The following MEDAG variants were observed in gnomAD, a reference collection of about 807,000 sequenced individuals.
The protein encoded by MEDAG is mesenteric estrogen dependent adipogenesis.
A neutral mutation model predicts 29.9 loss-of-function variants in MEDAG; 25 were observed. That is an observed-to-expected ratio of 0.84 (90% confidence interval 0.61 to 1.17). MEDAG has a LOEUF of 1.17. Ranked by LOEUF, MEDAG falls within the 50% of genes most tolerant of loss-of-function variation. The probability of loss-of-function intolerance (pLI) is 0.00; values close to 1 mark genes in which losing one functional copy is unlikely to be tolerated. For missense variants in MEDAG, 398 were observed against 372.9 expected (o/e 1.07, Z -0.56); for synonymous variants, 158 against 148.2 (o/e 1.07, Z -0.48).
At chr13:30,915,392 G>C (rs1265944687) in intron 1 of MEDAG, among the ~76,000 whole-genome samples, 1 of 152,154 alleles carries the variant, frequency 6.6e-6, no homozygotes, top group Admixed American at 6.5e-5. Context: ...CACTGCCTCC[G>C]TCCACTGTCC....
chr13:30,921,260 C>A, intron 3 of MEDAG, 134 bp downstream of exon 3: 1 of 733,646 alleles, frequency 1.4e-6, no homozygotes, highest in Non-Finnish European at 2.2e-6. Context: ...TGCATTCAGA[C>A]ACTTTGTTCT....
intron 1 of MEDAG, chr13:30,916,440 T>C (rs904113184): frequency 6.6e-6 from 1 of 152,290 alleles, no homozygotes; most frequent in Non-Finnish European, 1.5e-5. Context: ...TGCTGTGGTG[T>C]AGCAAAAGGC....
intron 2 of MEDAG, 45 bp downstream of exon 2, chr13:30,917,557 A>G (rs768354654): frequency 2.9e-6 from 3 of 1,034,528 alleles, no homozygotes; most frequent in Non-Finnish European, 4.5e-6. Context: ...ATAAAGAAAT[A>G]CCTAAAACTG....
At chr13:30,913,896 G>T (rs1952903262) in intron 1 of MEDAG, among the ~76,000 whole-genome samples, 1 of 152,094 alleles carries the variant, frequency 6.6e-6, no homozygotes, top group African/African-American at 2.4e-5. Flanking sequence ...ACAAAAATTA[G>T]CTGGGCATGG....
At position 30,924,442 on chromosome 13, in the gene MEDAG, T is replaced by C. The variant is rs1953021433; in HGVS notation, c.*7T>C. The C allele has an allele frequency of 5.6e-6, 9 of 1,613,550 alleles. No homozygotes were observed. The highest frequency in any genetic ancestry group is 6.8e-6 in the Non-Finnish European group (8 of 1,179,818). ...ACCCAACCAATTTATCTGATTGAAC[T>C]GAACATTGTAGCAGTTGCTCCCGCA... On this transcript the variant is annotated 3_prime_UTR_variant, in exon 5 of 5. Coordinates refer to ENST00000380482, the MANE Select transcript of MEDAG (RefSeq NM_032849.4).
intron 1 of MEDAG, among the ~76,000 whole-genome samples, chr13:30,912,591 T>C (rs1298307540): frequency 6.6e-6 from 1 of 152,048 alleles, no homozygotes; most frequent in Non-Finnish European, 1.5e-5. Flanking sequence ...TGAGCAGAAA[T>C]TGTTAGAGCC....
chr13:30,906,495 G>A lies in MEDAG; in HGVS notation c.-21G>A. The A allele has an allele frequency of 6.7e-7, 1 of 1,495,868 alleles. No individual in the cohort carries two copies. 92.7% of individuals were successfully genotyped at this position (1,495,868 alleles called of 1,614,324 possible). A position where few individuals can be genotyped will look rare whatever the true frequency, so the allele number is the denominator to read the frequency against. On this transcript the variant is annotated 5_prime_UTR_variant, in exon 1 of 5. In the 5' UTR this introduces an upstream ATG that the reference lacks. Transcript: ENST00000380482. ...TAGGCACCGGACGGAAGCAGGCGGT[G>A]TGAGGACCGACGACGCGGGCATGGC... is the stretch of plus-strand genomic sequence containing the variant.
intron 2 of MEDAG, 77 bp downstream of exon 2, chr13:30,917,589 G>T: frequency 1.2e-6 from 1 of 831,606 alleles, no homozygotes; most frequent in East Asian, 2.6e-5. Flanking sequence ...AAGAAAAGAG[G>T]TTTAATTGGC....
At chr13:30,923,675 T>C (rs1230445124) in intron 4 of MEDAG, among the ~76,000 whole-genome samples, 1 of 152,126 alleles carries the variant, frequency 6.6e-6, no homozygotes, top group African/African-American at 2.4e-5. Flanking sequence ...CACCCCTGAG[T>C]TCACCTATCA....
intron 4 of MEDAG, among the ~76,000 whole-genome samples, chr13:30,923,534 G>T: frequency 6.6e-6 from 1 of 152,164 alleles, no homozygotes; most frequent in Middle Eastern, 3.4e-3. Context: ...CTGCCTGGGA[G>T]TTCCTCACAA....
chr13:30,906,471 A>G lies in MEDAG; in HGVS notation c.-45A>G. ...CCATCAGGTGCCGGCTGGGGGCTGT[A>G]GGCACCGGACGGAAGCAGGCGGTGT... On this transcript the variant is annotated 5_prime_UTR_variant, in exon 1 of 5. Transcript: ENST00000380482. 7 of 1,427,626 alleles carry G rather than the reference A, an allele frequency of 4.9e-6. No homozygotes were observed. The highest frequency in any genetic ancestry group is 6.4e-6 in the Non-Finnish European group (7 of 1,096,506). 88.4% of individuals were successfully genotyped at this position (1,427,626 alleles called of 1,614,324 possible).
At chr13:30,913,387 A>T (rs2138118804) in intron 1 of MEDAG, among the ~76,000 whole-genome samples, 1 of 152,108 alleles carries the variant, frequency 6.6e-6, no homozygotes, top group South Asian at 2.1e-4. Context: ...GGCTAATTTT[A>T]AAAATTTGTT....
At chr13:30,920,913 A>T (rs1952977272) in intron 2 of MEDAG, 101 bp from the exon 3 acceptor site, 1 of 867,838 alleles carries the variant, frequency 1.2e-6, no homozygotes, top group Non-Finnish European at 1.9e-6. Context: ...AATGAATAAA[A>T]TCTTCAAAGG....
intron 4 of MEDAG, chr13:30,922,242 C>G (rs1593511932): frequency 6.6e-6 from 1 of 150,602 alleles, no homozygotes; most frequent in Non-Finnish European, 1.5e-5. Flanking sequence ...ACTATATGGT[C>G]AAGATATCAG....
In MEDAG at chr13:30,906,649, C is replaced by T. The variant is rs752155046; in HGVS notation, c.134C>T (p.Pro45Leu). Residue 45 changes from proline (P) to leucine (L), a missense_variant, in exon 1 of 5, where the codon CCC becomes CTC. Coordinates refer to ENST00000380482, the MANE Select transcript of MEDAG (RefSeq NM_032849.4). ...LPLAQLLRLQ[P>L]GAFQLSGDQL... ...CTGGCTCAGCTGCTGCGCCTGCAGCCCGGTGCCTTCCAGCTGAGCGGCGAC... is the reference window on the plus strand; with the variant it reads ...CTGGCTCAGCTGCTGCGCCTGCAGCTCGGTGCCTTCCAGCTGAGCGGCGAC... The T allele has an allele frequency of 1.9e-6, 3 of 1,572,176 alleles. No homozygotes were observed. In the South Asian group the frequency reaches 3.4e-5, roughly 18 times the overall value.
intron 4 of MEDAG, 126 bp downstream of exon 4, chr13:30,921,972 T>G: frequency 9.4e-7 from 1 of 1,065,912 alleles, no homozygotes; most frequent in Non-Finnish European, 1.3e-6. Context: ...GATCACAAAA[T>G]TCAGAAAGTA....
intron 1 of MEDAG, among the ~76,000 whole-genome samples, chr13:30,917,111 G>A (rs150996585): frequency 9.5e-4 from 145 of 152,254 alleles, no homozygotes; most frequent in African/African-American, 3.4e-3. Flanking sequence ...TCAAATGAAC[G>A]CTTTTAGCCC....
chr13:30,919,042 A>G (rs1045947349), intron 2 of MEDAG, among the ~76,000 whole-genome samples: 5 of 152,200 alleles, frequency 3.3e-5, no homozygotes, highest in African/African-American at 1.2e-4. Context: ...GTAGTGGTAC[A>G]AGGAGGAATT....
chr13:30,921,240 G>T, intron 3 of MEDAG, 114 bp downstream of exon 3: 1 of 850,958 alleles, frequency 1.2e-6, no homozygotes. Context: ...ATGGCCCTTA[G>T]AAAACAAAGT....
Sources: allele counts gnomAD v4.1 joint callset (sites outside exome capture counted in the v4.1 genomes callset), GRCh38; gene constraint gnomAD v4.1.1; transcripts MANE v1.5; gene names NCBI Gene and HGNC (gene_info 2026-07-23, HGNC 2026-07-21).